Variants in ATP2B1 observed in about 807,000 individuals in gnomAD.
ATP2B1 encodes ATPase plasma membrane Ca2+ transporting 1, also known as plasma membrane calcium-transporting ATPase 1.
ATP2B1 carries 14 observed loss-of-function variants against 124.2 expected under a neutral mutation model. That is an observed-to-expected ratio of 0.11 (90% CI 0.07 to 0.18). The LOEUF (loss-of-function observed/expected upper bound fraction) is 0.18, where lower values mean the gene tolerates loss of function less well. Among genes scored for constraint, ATP2B1 ranks in the 10% least tolerant of loss-of-function variants. ATP2B1 has a pLI of 1.00. For synonymous variants in ATP2B1, 449 were observed against 492.4 expected, an observed-to-expected ratio of 0.91 and a Z score of 1.17; for missense variants, 763 against 1,466.1, an observed-to-expected ratio of 0.52 and a Z score of 7.83.
intron 3 of ATP2B1, among the ~76,000 whole-genome samples, chr12:89,639,064 A>G (rs1019911445): frequency 6.6e-6 from 1 of 152,348 alleles, no homozygotes; most frequent in South Asian, 2.1e-4. Flanking sequence ...ATATTTTCAC[A>G]TCAAGTAATA....
chr12:89,705,073 T>C (rs1313482243), intron 1 of ATP2B1, among the ~76,000 whole-genome samples: 1 of 152,166 alleles, frequency 6.6e-6, no homozygotes, highest in Non-Finnish European at 1.5e-5. Flanking sequence ...TATCATTCTC[T>C]CTACTTTCCT....
At chr12:89,697,987 C>T (rs1891374266) in intron 1 of ATP2B1, among the ~76,000 whole-genome samples, 2 of 152,066 alleles carry the variant, frequency 1.3e-5, no homozygotes, top group African/African-American at 4.8e-5. Flanking sequence ...ATTCTCCTGC[C>T]TCAGCCTCTA....
At chr12:89,630,368 A>G (rs981515524) in intron 6 of ATP2B1, 137 bp downstream of exon 6, 7 of 758,420 alleles carry the variant, frequency 9.2e-6, no homozygotes, top group African/African-American at 1.8e-5. Context: ...GGCCCATGCT[A>G]TTAAGTCTAA....
intron 5 of ATP2B1, among the ~76,000 whole-genome samples, chr12:89,631,602 G>A (rs549259946): frequency 8.6e-5 from 13 of 151,930 alleles, no homozygotes; most frequent in Admixed American, 3.3e-4. Context: ...CTGATTCTTC[G>A]TTGCCTACTG....
chr12:89,675,484 G>A (rs1888493407), intron 1 of ATP2B1, among the ~76,000 whole-genome samples: 1 of 152,070 alleles, frequency 6.6e-6, no homozygotes, highest in South Asian at 2.1e-4. Context: ...TTTGAATTTT[G>A]AGAATATGTC....
chr12:89,597,304 A>G (rs1469705125), intron 20 of ATP2B1, among the ~76,000 whole-genome samples: 2 of 152,126 alleles, frequency 1.3e-5, no homozygotes, highest in African/African-American at 2.4e-5. Context: ...GTAATTTTTA[A>G]AAAGAAGAGT....
intron 1 of ATP2B1, among the ~76,000 whole-genome samples, chr12:89,684,155 CAG>C: frequency 1.3e-5 from 2 of 152,008 alleles, no homozygotes; most frequent in South Asian, 4.2e-4. Flanking sequence ...AAAAGAAACA[CAG>C]AAATAATAAA....
chr12:89,653,338 G>A (rs1423703355), intron 2 of ATP2B1, among the ~76,000 whole-genome samples: 7 of 129,656 alleles, frequency 5.4e-5, no homozygotes, highest in Non-Finnish European at 7.8e-5. Context: ...CGCCCAGGCC[G>A]GACTGCGGAC....
intron 1 of ATP2B1, among the ~76,000 whole-genome samples, chr12:89,684,508 T>C (rs904281735): frequency 1.3e-5 from 2 of 152,134 alleles, no homozygotes; most frequent in Non-Finnish European, 2.9e-5. Flanking sequence ...TACACACATA[T>C]ACAGACAACA....
At chr12:89,631,456 G>A (rs1407967662) in intron 5 of ATP2B1, among the ~76,000 whole-genome samples, 1 of 152,090 alleles carries the variant, frequency 6.6e-6, no homozygotes, top group East Asian at 1.9e-4. Context: ...CCTAACACAA[G>A]CTTTCATTCC....
At chr12:89,662,681 G>A (rs1254903831) in intron 1 of ATP2B1, among the ~76,000 whole-genome samples, 3 of 152,068 alleles carry the variant, frequency 2.0e-5, no homozygotes, top group Admixed American at 6.5e-5. Context: ...TGATAAAGCA[G>A]AAAATAAGCA....
chr12:89,598,039 C>CAAAAAAAAAAA lies in ATP2B1; in HGVS notation c.3351+1067_3351+1077dup, dbSNP rs10661138. Among the ~76,000 whole-genome samples the CAAAAAAAAAAA allele has an allele frequency of 1.2e-3, 73 of 60,520 alleles. 1 individual carries two copies. Among genetic ancestry groups the CAAAAAAAAAAA allele is most frequent in the Non-Finnish European group, 1.3e-3 (47 of 36,236 alleles). The allele number at this position is 60,520 out of a possible 152,430, so 39.7% of individuals were successfully genotyped here. ...CCCCTGAAACCACTGCACAACCAAG[C>CAAAAAAAAAAA]AAAAAAAAAAAAAAAAAAAAAAAAT... On this transcript the variant is annotated intron_variant, in intron 20 of 20. Transcript: ENST00000428670.
chr12:89,694,856 A>T (rs893472648), intron 1 of ATP2B1, among the ~76,000 whole-genome samples: 18 of 152,110 alleles, frequency 1.2e-4, no homozygotes, highest in African/African-American at 3.9e-4. Context: ...CAGGAGTTTG[A>T]GACCAGCCTG....
chr12:89,689,340 T>C (rs1890298451), intron 1 of ATP2B1, among the ~76,000 whole-genome samples: 1 of 152,086 alleles, frequency 6.6e-6, no homozygotes, highest in African/African-American at 2.4e-5. Context: ...GTGTCATAAA[T>C]TAACAGTTTC....
chr12:89,646,015 G>A (rs1486255581), intron 2 of ATP2B1, among the ~76,000 whole-genome samples: 2 of 152,150 alleles, frequency 1.3e-5, no homozygotes, highest in Non-Finnish European at 2.9e-5. Flanking sequence ...GGATTTGCCA[G>A]GTATTTTGGA....
intron 8 of ATP2B1, among the ~76,000 whole-genome samples, chr12:89,625,963 T>TC (rs1343265071): frequency 6.6e-6 from 1 of 152,194 alleles, no homozygotes; most frequent in Non-Finnish European, 1.5e-5. Flanking sequence ...CTCTGCTTTT[T>TC]CCCTTAAAGA....
chr12:89,644,123 G>A (rs1037176608), intron 2 of ATP2B1, among the ~76,000 whole-genome samples: 7 of 151,024 alleles, frequency 4.6e-5, no homozygotes, highest in African/African-American at 1.2e-4. Flanking sequence ...CTCTGTTTCC[G>A]AAAAAAAAGA....
intron 12 of ATP2B1, among the ~76,000 whole-genome samples, chr12:89,612,393 A>C (rs559592880): frequency 6.6e-6 from 1 of 152,188 alleles, no homozygotes; most frequent in African/African-American, 2.4e-5. Flanking sequence ...AAAATGCCTA[A>C]AGGATCACGG....
intron 1 of ATP2B1, among the ~76,000 whole-genome samples, chr12:89,659,357 A>AACACACACACACACACACACAC (rs10648843): frequency 6.7e-6 from 1 of 149,240 alleles, no homozygotes; most frequent in East Asian, 2.0e-4. Flanking sequence ...GGTATTACAA[A>AACACACACACACACACACACAC]ACACACACAC....
Sources: gnomAD v4.1 joint callset for allele counts (sites outside exome capture counted in the v4.1 genomes callset) on GRCh38, gnomAD v4.1.1 for gene constraint, MANE v1.5 for transcripts, NCBI Gene and HGNC (gene_info 2026-07-23, HGNC 2026-07-21) for gene names.